The following AMDHD2 variants were observed in gnomAD, a reference collection of about 807,000 sequenced individuals.
AMDHD2 encodes the protein N-acetylglucosamine-6-phosphate deacetylase.
In AMDHD2, 24 loss-of-function variants were observed where a neutral mutation model predicts 41.8. That is an observed-to-expected ratio of 0.57 (90% CI 0.42 to 0.81). The LOEUF (loss-of-function observed/expected upper bound fraction) is 0.81, where lower values mean the gene tolerates loss of function less well. AMDHD2 is among the 30% of genes least tolerant of loss of function. The pLI is 0.00. For synonymous variants in AMDHD2, 332 were observed against 255.5 expected, an observed-to-expected ratio of 1.30 and a Z score of -2.85; for missense variants, 540 against 588.5, an observed-to-expected ratio of 0.92 and a Z score of 0.85.
rs1346465115 is a variant in AMDHD2, at chr16:2,530,551, G to C, written c.*988G>C. 7.4e-6 allele frequency: 12 copies of C among 1,614,056 alleles called. No homozygotes were observed. In the Admixed American group the frequency reaches 2.0e-4, roughly 27 times the overall value. ...TTGACTTTCTCTCCATTTGAGTTCT[G>C]GGGTGGGTGGCTCCCTTCCCCCTTG... On this transcript the variant is annotated 3_prime_UTR_variant, in exon 11 of 11. Transcript: ENST00000293971.
At chr16:2,524,977 G>A (rs148164520) in intron 3 of AMDHD2, among the ~76,000 whole-genome samples, 65 of 151,662 alleles carry the variant, frequency 4.3e-4, no homozygotes, top group African/African-American at 1.4e-3. Flanking sequence ...TTGCTTTGCC[G>A]TGAGTGTTCT....
chr16:2,520,434 C>G lies in AMDHD2; in HGVS notation c.-25C>G. The G allele has an allele frequency of 8.2e-7, 1 of 1,226,994 alleles. No homozygotes were observed. The highest frequency in any genetic ancestry group is 1.0e-6 in the Non-Finnish European group (1 of 979,902). The allele number at this position is 1,226,994 out of a possible 1,614,324, so 76.0% of individuals were successfully genotyped here. A position where few individuals can be genotyped will look rare whatever the true frequency, so the allele number is the denominator to read the frequency against. ...ATTTGGCCGCCGCGGGGCTCCGGAGCCGCTCGCTCCCGACACGGCTCACGA... is the reference window on the plus strand; with the variant it reads ...ATTTGGCCGCCGCGGGGCTCCGGAGGCGCTCGCTCCCGACACGGCTCACGA... On this transcript the variant is annotated 5_prime_UTR_variant, in exon 1 of 11. Transcript: ENST00000293971.
chr16:2,531,288 A>ATGAC lies in AMDHD2; in HGVS notation c.*1725_*1726insTGAC. On this transcript the variant is annotated 3_prime_UTR_variant, in exon 11 of 11. Transcript: ENST00000293971. Reference sequence around the variant, plus strand: ...GGTGGTGGGAGAGGGGCCCAGGGTCAGGGTGAGAGAGAGCTGGGCCAGGGA... The same window carrying ATGAC: ...GGTGGTGGGAGAGGGGCCCAGGGTCATGACGGGTGAGAGAGAGCTGGGCCAGGGA... 1 of 588,904 alleles carries ATGAC rather than the reference A, an allele frequency of 1.7e-6. No homozygotes were observed. Among genetic ancestry groups the ATGAC allele is most frequent in the East Asian group, 2.8e-5 (1 of 35,596 alleles). The allele number at this position is 588,904 out of a possible 1,614,324, so 36.5% of individuals were successfully genotyped here.
chr16:2,527,581 G>C lies in AMDHD2; in HGVS notation c.381G>C (p.Val127=), dbSNP rs1182677170. Residue 127 remains valine, a synonymous_variant, in exon 4 of 11, where the codon GTG becomes GTC. Coordinates refer to ENST00000293971, the MANE Select transcript of AMDHD2 (RefSeq NM_001330449.2). This position sits in a 1 kb window ranked among gnomAD's most constrained non-coding sequence, Gnocchi z 6.1. ...VYHKVVPQIP[V]KSGGPHGAGV... ...CCCAGGTTGTTCCTCAGATCCCTGT[G>C]AAGAGTGGTGGTCCCCATGGGGCAG... is the stretch of plus-strand genomic sequence containing the variant. 1.2e-6 allele frequency: 2 copies of C among 1,613,112 alleles called. No homozygotes were observed. Among genetic ancestry groups the C allele is most frequent in the African/African-American group, 2.7e-5 (2 of 74,902 alleles).
intron 3 of AMDHD2, among the ~76,000 whole-genome samples, chr16:2,524,828 G>T (rs1170971029): frequency 8.6e-5 from 13 of 152,032 alleles, no homozygotes; most frequent in Middle Eastern, 3.2e-3. Context: ...GTGGCTCCGT[G>T]AGTCCTCTTA....
In AMDHD2 at chr16:2,527,262, T is replaced by C. The variant is rs2141908389; in HGVS notation, c.361-299T>C. ...GTCCCTGCTGCTCCCAGGAGCCTCC[T>C]GCCTCCCAGCCCTGCTCCCTGGGCT... is the stretch of plus-strand genomic sequence containing the variant. On this transcript the variant is annotated intron_variant, in intron 3 of 10. Coordinates refer to ENST00000293971, the MANE Select transcript of AMDHD2 (RefSeq NM_001330449.2). This position sits in a 1 kb window ranked among gnomAD's most constrained non-coding sequence, Gnocchi z 6.1. The C allele has an allele frequency of 4.0e-6, 2 of 503,032 alleles. No homozygotes were observed. The highest frequency in any genetic ancestry group is 7.3e-5 in the East Asian group (2 of 27,458). 31.2% of individuals were successfully genotyped at this position (503,032 alleles called of 1,614,324 possible).
Position 2,528,663 on chromosome 16 carries a change from G to C in AMDHD2, c.984G>C (p.Leu328=). 3.7e-6 allele frequency: 6 copies of C among 1,613,004 alleles called. No individual in the cohort carries two copies. The highest frequency in any genetic ancestry group is 5.1e-6 in the Non-Finnish European group (6 of 1,179,980). The part of the protein sequence containing the change: ...LTAYVAGTKT[L]SGSIAPMDVC... ...TCTGCTCTCAAGGCACCAAGACGCT[G>C]AGTGGCAGCATAGCCCCAATGGACG... Residue 328 remains leucine (L), a synonymous_variant, in exon 9 of 11, where the codon CTG becomes CTC. Coordinates refer to ENST00000293971, the MANE Select transcript of AMDHD2 (RefSeq NM_001330449.2).
chr16:2,526,504 C>T (rs1250512167), intron 3 of AMDHD2, among the ~76,000 whole-genome samples: 2 of 152,190 alleles, frequency 1.3e-5, no homozygotes, highest in Admixed American at 1.3e-4. Context: ...CATCCTGAGC[C>T]TGTGGGGGTC....
In AMDHD2 at chr16:2,527,882, CG is replaced by C; in HGVS notation, c.528del (p.Leu178TrpfsTer7). On this transcript the variant is annotated frameshift_variant, in exon 5 of 11. Coordinates refer to ENST00000293971, the MANE Select transcript of AMDHD2 (RefSeq NM_001330449.2). LOFTEE classifies it high-confidence loss of function. This position sits in a 1 kb window ranked among gnomAD's most constrained non-coding sequence, Gnocchi z 6.1. ...CCTTCCAGGACTTGCTGGCCACCTA[CG>C]GGCCCCTGGACAATGTCCGCATCGT... The part of the protein sequence containing the change: ...DAFQDLLATY[G>X]PLDNVRIVTL... 6.3e-7 allele frequency: 1 copy of C among 1,596,466 alleles called. No homozygotes were observed. The highest frequency in any genetic ancestry group is 8.5e-7 in the Non-Finnish European group (1 of 1,178,758).
At chr16:2,526,639 T>C (rs1382031538) in intron 3 of AMDHD2, among the ~76,000 whole-genome samples, 1 of 149,444 alleles carries the variant, frequency 6.7e-6, no homozygotes, top group African/African-American at 2.5e-5. Flanking sequence ...TTTAGGGCTC[T>C]TAAAAGTCTT....
chr16:2,531,125 A>T lies in AMDHD2; in HGVS notation c.*1562A>T, dbSNP rs1351066626. 1 of 1,533,746 alleles carries T rather than the reference A, an allele frequency of 6.5e-7. No homozygotes were observed. On this transcript the variant is annotated 3_prime_UTR_variant, in exon 11 of 11. Transcript: ENST00000293971. ...GTTGGTCATCCCCACCTCAGACGGG[A>T]CGCCCAGTCCAGAGCTGGTGAGCCC... is the stretch of plus-strand genomic sequence containing the variant.
Position 2,521,000 on chromosome 16 carries a change from C to G in AMDHD2, c.237C>G (p.Asp79Glu). ...TGGCTGCAGGTGGATTTGGTGTTGA[C>G]TTCTCTCAAGCCACGGAGGACGTGG... ...DVQINGGFGV[D>E]FSQATEDVGS... Residue 79 changes from aspartate (D) to glutamate (E), a missense_variant, in exon 3 of 11, where the codon GAC becomes GAG. Coordinates refer to ENST00000293971, the MANE Select transcript of AMDHD2 (RefSeq NM_001330449.2). 6.2e-7 allele frequency: 1 copy of G among 1,608,396 alleles called. No homozygotes were observed. The highest frequency in any genetic ancestry group is 8.5e-7 in the Non-Finnish European group (1 of 1,176,512).
Position 2,529,736 on chromosome 16 carries a change from C to G in AMDHD2, c.*173C>G. 6.9e-7 allele frequency: 1 copy of G among 1,446,000 alleles called. No homozygotes were observed. The highest frequency in any genetic ancestry group is 9.1e-7 in the Non-Finnish European group (1 of 1,101,020). 89.6% of individuals were successfully genotyped at this position (1,446,000 alleles called of 1,614,324 possible). ...ATAAACGTGCACCCAGCAGGACTCG[C>G]CTTGGCTCCGGGTTTTGCTTGTGCT... On this transcript the variant is annotated 3_prime_UTR_variant, in exon 11 of 11. Coordinates refer to ENST00000293971, the MANE Select transcript of AMDHD2 (RefSeq NM_001330449.2).
Position 2,528,147 on chromosome 16 carries a change from C to T in AMDHD2, c.716C>T (p.Pro239Leu). The change falls in exon 6 of 11, where the codon CCT becomes CTT. Residue 239 changes from proline to leucine, a missense_variant and splice_region_variant. Physicochemically the swap from Pro to Leu is moderately conservative, Grantham distance 98. Coordinates refer to ENST00000293971, the MANE Select transcript of AMDHD2 (RefSeq NM_001330449.2). ...ACCCACCTCTTCAACGCCATGCTGC[C>T]TGTGAGTGCTATGGGGCCCCAGGGG... is the stretch of plus-strand genomic sequence containing the variant. ...FITHLFNAML[P>L]FHHRDPGIVG... The T allele has an allele frequency of 1.2e-6, 2 of 1,613,070 alleles. No homozygotes were observed. The highest frequency in any genetic ancestry group is 1.7e-6 in the Non-Finnish European group (2 of 1,179,868).
chr16:2,527,452 G>C lies in AMDHD2; in HGVS notation c.361-109G>C. On this transcript the variant is annotated intron_variant, in intron 3 of 10. Coordinates refer to ENST00000293971, the MANE Select transcript of AMDHD2 (RefSeq NM_001330449.2). This position sits in a 1 kb window ranked among gnomAD's most constrained non-coding sequence, Gnocchi z 6.1. ...TGAGGGGACAGGCGGCCGGGGCTGG[G>C]CTGGGTGCTGGGCTCTGAACTCTGA... 8.0e-7 allele frequency: 1 copy of C among 1,243,548 alleles called. No homozygotes were observed. Among genetic ancestry groups the C allele is most frequent in the Non-Finnish European group, 1.1e-6 (1 of 874,874 alleles). The allele number at this position is 1,243,548 out of a possible 1,614,324, so 77.0% of individuals were successfully genotyped here.
Position 2,527,423 on chromosome 16 carries a change from C to T in AMDHD2, c.361-138C>T. On this transcript the variant is annotated intron_variant, in intron 3 of 10. Transcript: ENST00000293971. This position sits in a 1 kb window ranked among gnomAD's most constrained non-coding sequence, Gnocchi z 6.1. ...TCTGCCGGCTGTGCTTTCCCTGACCCCTGTGAGGGGACAGGCGGCCGGGGC... is the reference window on the plus strand; with the variant it reads ...TCTGCCGGCTGTGCTTTCCCTGACCTCTGTGAGGGGACAGGCGGCCGGGGC... 4.7e-6 allele frequency: 4 copies of T among 850,684 alleles called. No individual in the cohort carries two copies. The East Asian group carries it at 1.1e-4, about 23-fold the overall frequency. 52.7% of individuals were successfully genotyped at this position (850,684 alleles called of 1,614,324 possible). A position where few individuals can be genotyped will look rare whatever the true frequency, so the allele number is the denominator to read the frequency against.
chr16:2,520,778 G>T lies in AMDHD2; in HGVS notation c.93G>T (p.Leu31=), dbSNP rs1204504052. 7 of 1,600,026 alleles carry T rather than the reference G, an allele frequency of 4.4e-6. No homozygotes were observed. In the Admixed American group the frequency reaches 5.1e-5, roughly 12 times the overall value. Residue 31 remains leucine (L), a synonymous_variant, in exon 2 of 11, where the codon CTG becomes CTT. Coordinates refer to ENST00000293971, the MANE Select transcript of AMDHD2 (RefSeq NM_001330449.2). ...CCCACTGCGTCCCCAGGGAGGATCT[G>T]TGGGTGCGCGGAGGCCGCATCTTGG... is the stretch of plus-strand genomic sequence containing the variant. ...LRGGKLLRED[L]WVRGGRILDP...
At position 2,530,305 on chromosome 16, in the gene AMDHD2, T is replaced by C. The variant is rs1211408030; in HGVS notation, c.*742T>C. ...GACCCTGCCTGGTGCTGGAGGGCAG[T>C]ATGGGAGGCACCAGTGTGCCCTGCT... On this transcript the variant is annotated 3_prime_UTR_variant, in exon 11 of 11. Transcript: ENST00000293971. 6.2e-7 allele frequency: 1 copy of C among 1,614,022 alleles called. No individual in the cohort carries two copies. Among genetic ancestry groups the C allele is most frequent in the Admixed American group, 1.7e-5 (1 of 60,014 alleles).
chr16:2,529,552 G>A lies in AMDHD2; in HGVS notation c.1219G>A (p.Ala407Thr). ...SGELVWQADAARQ is the reference protein window; with the variant it reads ...SGELVWQADATRQ The stretch of plus-strand genomic sequence containing the variant: ...TGAGCTGGTGTGGCAGGCGGACGCA[G>A]CTAGGCAGTGACAAGGACCTCGGCT... The change falls in exon 11 of 11, where the codon GCT becomes ACT. Residue 407 changes from alanine to threonine, a missense_variant. By Grantham distance (58) the Ala-to-Thr change is moderately conservative (BLOSUM62 0). Transcript: ENST00000293971. 1 of 1,607,688 alleles carries A rather than the reference G, an allele frequency of 6.2e-7. No individual in the cohort carries two copies. The highest frequency in any genetic ancestry group is 8.5e-7 in the Non-Finnish European group (1 of 1,179,954).
Sources: allele counts gnomAD v4.1 joint callset (sites outside exome capture counted in the v4.1 genomes callset), GRCh38; gene constraint gnomAD v4.1.1; non-coding constraint Gnocchi (gnomAD v3.1); transcripts MANE v1.5; gene names NCBI Gene and HGNC (gene_info 2026-07-23, HGNC 2026-07-21).